FERRY3: variants seen among roughly 807,000 people sequenced by gnomAD.
FERRY3 encodes FERRY endosomal RAB5 effector complex subunit 3.
the FERRY3 span, chr12:4,517,046 G>A: frequency 6.6e-7 from 1 of 1,519,556 alleles, no homozygotes; most frequent in Admixed American, 2.0e-5. Flanking sequence ...TATAATAAAA[G>A]TGAGTTTTAC....
the FERRY3 span, among the ~76,000 whole-genome samples, chr12:4,513,006 CA>C: frequency 2.4e-5 from 1 of 42,096 alleles, no homozygotes. Context: ...TGTCTCAGCC[CA>C]AAATCTCCTT....
the FERRY3 span, among the ~76,000 whole-genome samples, chr12:4,498,528 T>C: frequency 3.9e-5 from 6 of 152,232 alleles, no homozygotes; most frequent in African/African-American, 1.2e-4. Context: ...GAAGCTTTCA[T>C]AGGATAGTAC....
the FERRY3 span, among the ~76,000 whole-genome samples, chr12:4,500,863 G>A: frequency 6.6e-6 from 1 of 152,202 alleles, no homozygotes; most frequent in Non-Finnish European, 1.5e-5. Flanking sequence ...ATGTTGGCTA[G>A]GATGGCCTCC....
the FERRY3 span, chr12:4,529,867 A>G: frequency 6.4e-7 from 1 of 1,570,288 alleles, no homozygotes; most frequent in Non-Finnish European, 8.6e-7. Flanking sequence ...AATTTGAAAT[A>G]CCTCTCTCGT....
chr12:4,503,687 G>A, the FERRY3 span, among the ~76,000 whole-genome samples: 1 of 152,020 alleles, frequency 6.6e-6, no homozygotes, highest in Non-Finnish European at 1.5e-5. Context: ...GTAATACAGA[G>A]ATAAAGTATA....
the FERRY3 span, among the ~76,000 whole-genome samples, chr12:4,521,491 A>G: frequency 6.6e-6 from 1 of 152,214 alleles, no homozygotes; most frequent in Admixed American, 6.5e-5. Context: ...TTGGGACGAA[A>G]AGAAAGGGAC....
the FERRY3 span, chr12:4,525,240 T>C: frequency 1.4e-5 from 23 of 1,611,788 alleles, no homozygotes; most frequent in Non-Finnish European, 2.0e-5. Context: ...ATAAGAACAA[T>C]ACATAGTTAA....
chr12:4,510,870 G>A, the FERRY3 span, among the ~76,000 whole-genome samples: 7 of 151,858 alleles, frequency 4.6e-5, no homozygotes, highest in African/African-American at 1.5e-4. Context: ...ACATCATAAT[G>A]ACAGGATCAA....
the FERRY3 span, chr12:4,516,965 C>A: frequency 1.9e-6 from 2 of 1,066,180 alleles, no homozygotes; most frequent in Non-Finnish European, 2.5e-6. Context: ...AATTTCCTAT[C>A]TTCCACCAAC....
At chr12:4,517,169 C>G in the FERRY3 span, 2 of 1,557,454 alleles carry the variant, frequency 1.3e-6, no homozygotes, top group South Asian at 2.5e-5. Context: ...TCAGTGCATT[C>G]TTGGCAAACT....
chr12:4,490,454 C>T, the FERRY3 span: 1 of 1,277,876 alleles, frequency 7.8e-7, no homozygotes, highest in Non-Finnish European at 1.1e-6. Context: ...GGCAGGATGC[C>T]TAGCTGTATC....
the FERRY3 span, among the ~76,000 whole-genome samples, chr12:4,532,085 ATTTTT>A: frequency 7.4e-6 from 1 of 135,524 alleles, no homozygotes; most frequent in Middle Eastern, 3.8e-3. Context: ...TAAATTGTGA[ATTTTT>A]TTTTTTTTTT....
the FERRY3 span, among the ~76,000 whole-genome samples, chr12:4,490,241 C>T: frequency 7.2e-5 from 11 of 152,042 alleles, no homozygotes; most frequent in African/African-American, 1.9e-4. Flanking sequence ...ATTTAAGAAC[C>T]CTTTATAATC....
the FERRY3 span, among the ~76,000 whole-genome samples, chr12:4,524,244 G>A: frequency 2.2e-3 from 329 of 152,122 alleles, 2 homozygotes; most frequent in African/African-American, 7.4e-3. Context: ...GATGCACCCT[G>A]ATTTTTTTCC....
At chr12:4,488,967 C>T in the FERRY3 span, 1 of 152,154 alleles carries the variant, frequency 6.6e-6, no homozygotes. The surrounding 1 kb of genome is among the most constrained non-coding windows in gnomAD (Gnocchi z 4.9). Flanking sequence ...ATACATTTAT[C>T]CGCAAAAAAA....
At chr12:4,502,041 ACT>A in the FERRY3 span, among the ~76,000 whole-genome samples, 2 of 151,984 alleles carry the variant, frequency 1.3e-5, no homozygotes, top group Admixed American at 1.3e-4. The surrounding 1 kb of genome is among the most constrained non-coding windows in gnomAD (Gnocchi z 4.2). Flanking sequence ...TGCCTGGAGG[ACT>A]CTTCTCCAAG....
At chr12:4,498,599 A>C in the FERRY3 span, among the ~76,000 whole-genome samples, 42 of 152,346 alleles carry the variant, frequency 2.8e-4, no homozygotes, top group African/African-American at 9.9e-4. Context: ...ATAGATTATA[A>C]ATGGGAAATC....
the FERRY3 span, among the ~76,000 whole-genome samples, chr12:4,518,581 G>C: frequency 6.6e-6 from 1 of 152,118 alleles, no homozygotes; most frequent in Non-Finnish European, 1.5e-5. Flanking sequence ...GCAGCGGTCA[G>C]GCACGGTGAC....
chr12:4,508,555 G>A, the FERRY3 span, among the ~76,000 whole-genome samples: 3 of 152,106 alleles, frequency 2.0e-5, no homozygotes, highest in Admixed American at 1.3e-4. Flanking sequence ...GAACAGTCTG[G>A]CCAACATGGC....
Sources: gnomAD v4.1 joint callset for allele counts (sites outside exome capture counted in the v4.1 genomes callset) on GRCh38, gnomAD v4.1.1 for gene constraint, Gnocchi (gnomAD v3.1) non-coding constraint, MANE v1.5 for transcripts, NCBI Gene and HGNC (gene_info 2026-07-23, HGNC 2026-07-21) for gene names.